SARNP: variants seen among roughly 807,000 people sequenced by gnomAD.
SARNP encodes SAP domain containing ribonucleoprotein.
Under a neutral mutation model 38.1 loss-of-function variants are expected in SARNP, and 5 were observed. That is an observed-to-expected ratio of 0.13 (90% CI 0.07 to 0.28). SARNP has a LOEUF of 0.28. Among genes scored for constraint, SARNP ranks in the 10% least tolerant of loss-of-function variants. The pLI, the probability that SARNP is intolerant of heterozygous loss-of-function variation, is 1.00. For missense variants in SARNP, 180 were observed against 243.9 expected, an observed-to-expected ratio of 0.74 and a Z score of 1.75; for synonymous variants, 84 against 80.6, an observed-to-expected ratio of 1.04 and a Z score of -0.23.
intron 9 of SARNP, among the ~76,000 whole-genome samples, chr12:55,780,262 C>T (rs912164854): frequency 6.6e-6 from 1 of 152,086 alleles, no homozygotes; most frequent in African/African-American, 2.4e-5. Flanking sequence ...ACCAGCCTGG[C>T]CAATATGGTG....
At chr12:55,795,694 T>A (rs1487249849) in intron 5 of SARNP, among the ~76,000 whole-genome samples, 1 of 152,214 alleles carries the variant, frequency 6.6e-6, no homozygotes, top group East Asian at 1.9e-4. Context: ...TCTCAGCTAC[T>A]GGCCAGTAGC....
intron 10 of SARNP, among the ~76,000 whole-genome samples, chr12:55,759,632 G>A (rs1478817782): frequency 6.6e-6 from 1 of 152,088 alleles, no homozygotes; most frequent in Non-Finnish European, 1.5e-5. Context: ...GTAGAGATGG[G>A]GTTTCACCAT....
At chr12:55,809,811 A>C (rs1880272322) in intron 1 of SARNP, among the ~76,000 whole-genome samples, 1 of 152,198 alleles carries the variant, frequency 6.6e-6, no homozygotes, top group South Asian at 2.1e-4. Flanking sequence ...TAATGTAAAA[A>C]ATAATACACA....
In SARNP at chr12:55,803,302, G is replaced by T. The variant is rs971864358; in HGVS notation, c.136+327C>A. 2.4e-4 allele frequency among the ~76,000 whole-genome samples: 37 copies of T among 152,084 alleles called. 1 individual carries two copies. The highest frequency in any genetic ancestry group is 8.4e-4 in the African/African-American group (35 of 41,478). ...AATTCTAGACCAGCCCAACCAATAT[G>T]GTGAAACCCCGTCTCTACTAAAAAT... On this transcript the variant is annotated intron_variant, in intron 2 of 10. Coordinates refer to ENST00000336133, the MANE Select transcript of SARNP (RefSeq NM_033082.4).
rs1196707482 is a variant in SARNP, at chr12:55,794,838, A to T, written c.346T>A (p.Leu116Met). Reference protein sequence around the residue: ...RAERFNVPVSLESKKAARAAR... With the variant: ...RAERFNVPVSMESKKAARAAR... ...GCCCGAGCAGCTTTCTTACTCTCCA[A>T]GCTCACAGGTACATTGAATCGTTCA... The change falls in exon 6 of 11, where the codon TTG becomes ATG. Residue 116 changes from leucine (L) to methionine (M), a missense_variant. By Grantham distance (15) the Leu-to-Met change is conservative. Around this residue, in one of 2 missense-constraint regions of SARNP, gnomAD observed 161 missense variants for 194.1 expected, o/e 0.83. Transcript: ENST00000336133. The T allele has an allele frequency of 6.2e-7, 1 of 1,612,866 alleles. No individual in the cohort carries two copies. The highest frequency in any genetic ancestry group is 8.5e-7 in the Non-Finnish European group (1 of 1,179,126).
intron 7 of SARNP, 30 bp from the exon 8 acceptor site, chr12:55,790,622 ATT>A: frequency 6.8e-7 from 1 of 1,475,892 alleles, no homozygotes; most frequent in African/African-American, 1.4e-5. Context: ...TTTATTTAAT[ATT>A]TTTAAAAGTC....
At chr12:55,805,015 G>A (rs1880095650) in intron 1 of SARNP, among the ~76,000 whole-genome samples, 1 of 152,174 alleles carries the variant, frequency 6.6e-6, no homozygotes, top group Non-Finnish European at 1.5e-5. Context: ...TGTAATCCCA[G>A]CACTTTGGGA....
At chr12:55,771,253 C>T (rs1243485506) in intron 9 of SARNP, among the ~76,000 whole-genome samples, 1 of 152,154 alleles carries the variant, frequency 6.6e-6, no homozygotes, top group South Asian at 2.1e-4. Context: ...CCACTGTGCC[C>T]GGCCCACCTT....
chr12:55,795,894 T>C (rs375150264), intron 5 of SARNP, 131 bp downstream of exon 5: 3 of 642,614 alleles, frequency 4.7e-6, no homozygotes, highest in South Asian at 4.3e-5. Flanking sequence ...CAGTGAAACG[T>C]ATCAACACCA....
rs74331850 is a variant in SARNP at position 55,758,290 on chromosome 12, G to T, written c.592-737C>A. On this transcript the variant is annotated intron_variant, in intron 10 of 10. Coordinates refer to ENST00000336133, the MANE Select transcript of SARNP (RefSeq NM_033082.4). ...TTTTTTCTAGTGAAGAGTGTTAGCTGATCTGACTCTAAAATTTTCAGGGTT... is the reference window on the plus strand; with the variant it reads ...TTTTTTCTAGTGAAGAGTGTTAGCTTATCTGACTCTAAAATTTTCAGGGTT... 4.6e-3 allele frequency among the ~76,000 whole-genome samples: 708 copies of T among 152,286 alleles called. 4 individuals carry two copies. Among genetic ancestry groups the T allele is most frequent in the African/African-American group, 0.016 (683 of 41,548 alleles).
At chr12:55,812,971 G>C (rs1400839977) in intron 1 of SARNP, among the ~76,000 whole-genome samples, 1 of 152,012 alleles carries the variant, frequency 6.6e-6, no homozygotes, top group Non-Finnish European at 1.5e-5. Context: ...TTTTGAGACG[G>C]AGTCTCACTC....
chr12:55,772,712 C>CTTT (rs11428581), intron 9 of SARNP, among the ~76,000 whole-genome samples: 13 of 130,262 alleles, frequency 1.0e-4, no homozygotes, highest in Admixed American at 3.2e-4. Flanking sequence ...GAAGCTGAAA[C>CTTT]TTTTTTTTTT....
intron 2 of SARNP, among the ~76,000 whole-genome samples, chr12:55,801,416 CTGGG>C (rs768223330): frequency 2.6e-5 from 4 of 152,084 alleles, no homozygotes; most frequent in Non-Finnish European, 5.9e-5. Context: ...GCACTCCAGC[CTGGG>C]TGACAGAGCA....
intron 1 of SARNP, among the ~76,000 whole-genome samples, chr12:55,805,464 C>T (rs188482109): frequency 1.3e-5 from 2 of 152,196 alleles, no homozygotes; most frequent in East Asian, 3.9e-4. Context: ...GTTATCCCAG[C>T]ACTCTGGGAG....
intron 9 of SARNP, among the ~76,000 whole-genome samples, chr12:55,768,708 G>A (rs1266824312): frequency 2.0e-5 from 3 of 151,880 alleles, no homozygotes; most frequent in African/African-American, 7.3e-5. Context: ...GATTACAGGC[G>A]TGAGCTACCA....
At chr12:55,795,895 A>G in intron 5 of SARNP, 130 bp downstream of exon 5, 1 of 651,364 alleles carries the variant, frequency 1.5e-6, no homozygotes, top group Non-Finnish European at 2.6e-6. Flanking sequence ...AGTGAAACGT[A>G]TCAACACCAA....
At chr12:55,790,721 G>A in intron 7 of SARNP, 129 bp from the exon 8 acceptor site, 1 of 918,964 alleles carries the variant, frequency 1.1e-6, no homozygotes, top group Middle Eastern at 2.4e-4. Context: ...GAAATTGCAT[G>A]TAGCGATCAT....
chr12:55,797,169 T>C (rs184925775), intron 4 of SARNP, among the ~76,000 whole-genome samples: 96 of 152,246 alleles, frequency 6.3e-4, no homozygotes, highest in African/African-American at 2.2e-3. Flanking sequence ...CCCTGAAAGG[T>C]AGTAATGGTT....
Position 55,796,085 on chromosome 12 carries a change from G to C in SARNP, c.252-9C>G, listed in dbSNP as rs747674834. 6.3e-7 allele frequency: 1 copy of C among 1,599,886 alleles called. No individual in the cohort carries two copies. The highest frequency in any genetic ancestry group is 8.6e-7 in the Non-Finnish European group (1 of 1,167,882). On this transcript the variant is annotated splice_polypyrimidine_tract_variant and intron_variant, in intron 4 of 10. Transcript: ENST00000336133. ...CTTTCTTCTCTGCTGCCCTAGAAAA[G>C]AAAGAGATTTTTTAAAATGAGAAAA...
Sources: allele counts gnomAD v4.1 joint callset (sites outside exome capture counted in the v4.1 genomes callset), GRCh38; gene constraint gnomAD v4.1.1; regional missense constraint gnomAD v4.1.1; transcripts MANE v1.5; gene names NCBI Gene and HGNC (gene_info 2026-07-23, HGNC 2026-07-21).